LRRC4C: variants seen among roughly 807,000 people sequenced by gnomAD.
LRRC4C encodes the protein leucine-rich repeat-containing protein 4C.
Under a neutral mutation model 33.6 loss-of-function variants are expected in LRRC4C, and 5 were observed. The ratio of observed to expected loss-of-function variants is 0.15; its 90% CI spans 0.08 to 0.31. The LOEUF is 0.31. LRRC4C is among the 10% of genes least tolerant of loss of function. The probability of loss-of-function intolerance (pLI) is 1.00; values close to 1 mark genes in which losing one functional copy is unlikely to be tolerated. For missense variants in LRRC4C, 560 were observed against 796.7 expected (o/e 0.70, Z 3.58); for synonymous variants, 329 against 302.0 (o/e 1.09, Z -0.93).
intron 4 of LRRC4C, among the ~76,000 whole-genome samples, chr11:40,272,264 A>G (rs961136171): frequency 2.0e-5 from 3 of 152,174 alleles, no homozygotes; most frequent in Admixed American, 6.6e-5. Context: ...TACAAAGGTC[A>G]TTCGCTAACT....
chr11:41,220,569 C>T (rs1174611043), intron 1 of LRRC4C, among the ~76,000 whole-genome samples: 3 of 147,538 alleles, frequency 2.0e-5, no homozygotes, highest in African/African-American at 7.6e-5. Flanking sequence ...CACAATTCTA[C>T]ACGTCTGAAA....
rs140128636 is a variant in LRRC4C at position 41,284,974 on chromosome 11, A to G, written c.-496+174457T>C. 1.3e-4 allele frequency among the ~76,000 whole-genome samples: 20 copies of G among 152,320 alleles called. No individual in the cohort carries two copies. The East Asian group carries it at 3.3e-3, about 25-fold the overall frequency. On this transcript the variant is annotated intron_variant, in intron 1 of 6. Transcript: ENST00000528697. The stretch of plus-strand genomic sequence containing the variant: ...CAGGGGATTAGGGCTCTAATCATTT[A>G]GTTTCATCTAATTGGTGAAGTAAAT...
chr11:41,302,018 A>G (rs1950302639), intron 1 of LRRC4C, among the ~76,000 whole-genome samples: 1 of 152,216 alleles, frequency 6.6e-6, no homozygotes, highest in Non-Finnish European at 1.5e-5. Flanking sequence ...TAATAATTTC[A>G]GAAAATTTAA....
At chr11:40,249,128 A>C (rs1866570875) in intron 4 of LRRC4C, among the ~76,000 whole-genome samples, 1 of 152,196 alleles carries the variant, frequency 6.6e-6, no homozygotes, top group Non-Finnish European at 1.5e-5. Context: ...ACTTGAGGTC[A>C]GGAGTTCAAT....
chr11:40,559,920 T>TTAAACCATC (rs772901312), intron 3 of LRRC4C, among the ~76,000 whole-genome samples: 67 of 152,162 alleles, frequency 4.4e-4, no homozygotes, highest in Non-Finnish European at 6.3e-4. Flanking sequence ...ATGAAAATCA[T>TTAAACCATC]TAAACCATCT....
intron 1 of LRRC4C, among the ~76,000 whole-genome samples, chr11:41,458,978 G>T (rs563370146): frequency 1.8e-3 from 267 of 152,026 alleles, no homozygotes; most frequent in Non-Finnish European, 3.2e-3. Context: ...TGGGGAGGGG[G>T]AAGTCTACTA....
intron 1 of LRRC4C, among the ~76,000 whole-genome samples, chr11:41,333,160 T>C (rs768528030): frequency 2.6e-5 from 4 of 152,212 alleles, no homozygotes; most frequent in Non-Finnish European, 5.9e-5. Context: ...GGATGTTTCT[T>C]TGTATTAAAA....
At chr11:40,196,404 G>A (rs1428209095) in intron 5 of LRRC4C, among the ~76,000 whole-genome samples, 2 of 152,168 alleles carry the variant, frequency 1.3e-5, no homozygotes, top group African/African-American at 4.8e-5. Flanking sequence ...GAAGTAAATG[G>A]GATGAACAAA....
At chr11:41,042,639 T>C (rs1298995553) in intron 1 of LRRC4C, among the ~76,000 whole-genome samples, 1 of 152,200 alleles carries the variant, frequency 6.6e-6, no homozygotes, top group Non-Finnish European at 1.5e-5. Context: ...AATTTTGTCT[T>C]AGATCTTCAA....
intron 4 of LRRC4C, among the ~76,000 whole-genome samples, chr11:40,254,201 A>C (rs1213891251): frequency 6.6e-6 from 1 of 152,298 alleles, no homozygotes; most frequent in Non-Finnish European, 1.5e-5. Flanking sequence ...AGAACAAATA[A>C]TTTTTTCATA....
At chr11:40,870,746 A>C (rs1310584521) in intron 2 of LRRC4C, among the ~76,000 whole-genome samples, 1 of 152,114 alleles carries the variant, frequency 6.6e-6, no homozygotes, top group Non-Finnish European at 1.5e-5. Context: ...CCCTGTGATG[A>C]TTGTGTTAAC....
intron 5 of LRRC4C, among the ~76,000 whole-genome samples, chr11:40,147,751 A>G (rs988698044): frequency 1.3e-5 from 2 of 152,130 alleles, no homozygotes; most frequent in Non-Finnish European, 2.9e-5. Flanking sequence ...CTTTTTATGT[A>G]ACTTTTGTTT....
At position 40,875,183 on chromosome 11, in the gene LRRC4C, C is replaced by A. The variant is rs557776083; in HGVS notation, c.-407+58452G>T. 2.6e-5 allele frequency among the ~76,000 whole-genome samples: 4 copies of A among 152,060 alleles called. No individual in the cohort carries two copies. The South Asian group carries it at 8.3e-4, about 32-fold the overall frequency. On this transcript the variant is annotated intron_variant, in intron 2 of 6. Coordinates refer to ENST00000528697, the MANE Select transcript of LRRC4C (RefSeq NM_001258419.2). ...AAAATTTACACAATAGAAATATTTCCAAGATTATAGCTTTTCTTTAAAAAT... is the reference window on the plus strand; with the variant it reads ...AAAATTTACACAATAGAAATATTTCAAAGATTATAGCTTTTCTTTAAAAAT...
intron 1 of LRRC4C, among the ~76,000 whole-genome samples, chr11:41,046,571 C>A (rs1403448429): frequency 6.6e-6 from 1 of 152,142 alleles, no homozygotes; most frequent in Non-Finnish European, 1.5e-5. Context: ...TATTTCAGAA[C>A]AACTCTTTAG....
rs572273143 is a variant in LRRC4C, at chr11:40,249,744, G to A, written c.-175-8146C>T. Among the ~76,000 whole-genome samples, 17 of 151,984 alleles carry A rather than the reference G, an allele frequency of 1.1e-4. No individual in the cohort carries two copies. In the South Asian group the frequency reaches 3.1e-3, roughly 28 times the overall value. On this transcript the variant is annotated intron_variant, in intron 4 of 6. Transcript: ENST00000528697. Reference sequence around the variant, plus strand: ...TTAAGGTCTCTGTTCCCTAAAAAAGGCCAGGACTCTCTCGCTTTTTTTTCC... The same window carrying A: ...TTAAGGTCTCTGTTCCCTAAAAAAGACCAGGACTCTCTCGCTTTTTTTTCC...
chr11:40,875,044 A>G (rs1954820044), intron 2 of LRRC4C, among the ~76,000 whole-genome samples: 1 of 152,198 alleles, frequency 6.6e-6, no homozygotes, highest in Non-Finnish European at 1.5e-5. Flanking sequence ...TAATAAAGAT[A>G]TACTTGTTAG....
chr11:40,459,940 G>T (rs1382676712), intron 3 of LRRC4C, among the ~76,000 whole-genome samples: 2 of 152,152 alleles, frequency 1.3e-5, no homozygotes, highest in Admixed American at 6.6e-5. Flanking sequence ...AGCTATTGAG[G>T]ATTGGATATA....
At chr11:41,298,175 G>A (rs977797672) in intron 1 of LRRC4C, among the ~76,000 whole-genome samples, 1 of 152,158 alleles carries the variant, frequency 6.6e-6, no homozygotes, top group Non-Finnish European at 1.5e-5. Flanking sequence ...TTTTTAGTTT[G>A]CAGTTCTTTA....
chr11:40,874,518 C>CA (rs563876306), intron 2 of LRRC4C, among the ~76,000 whole-genome samples: 32 of 152,326 alleles, frequency 2.1e-4, no homozygotes, highest in Non-Finnish European at 3.5e-4. Flanking sequence ...GATGTCACAT[C>CA]ATGCCTCCCA....
Sources: allele counts gnomAD v4.1 joint callset (sites outside exome capture counted in the v4.1 genomes callset), GRCh38; gene constraint gnomAD v4.1.1; transcripts MANE v1.5; gene names NCBI Gene and HGNC (gene_info 2026-07-23, HGNC 2026-07-21).